HEY1: variants seen among roughly 807,000 people sequenced by gnomAD.
HEY1 encodes hairy/enhancer-of-split related with YRPW motif protein 1.
A neutral mutation model predicts 28.7 loss-of-function variants in HEY1; 9 were observed. The ratio of observed to expected loss-of-function variants is 0.31; its 90% CI spans 0.19 to 0.55. The LOEUF (loss-of-function observed/expected upper bound fraction) is 0.55. Ranked by LOEUF, HEY1 falls within the 20% of genes least tolerant of loss-of-function variation. The pLI, the probability that HEY1 is intolerant of heterozygous loss-of-function variation, is 0.93. For synonymous variants in HEY1, 213 were observed against 175.6 expected, an observed-to-expected ratio of 1.21 and a Z score of -1.68; for missense variants, 385 against 399.4, an observed-to-expected ratio of 0.96 and a Z score of 0.31.
chr8:79,767,466 G>T, intron 1 of HEY1, 109 bp downstream of exon 1: 2 of 1,196,130 alleles, frequency 1.7e-6, no homozygotes, highest in Non-Finnish European at 2.4e-6. Flanking sequence ...GACGCGCGGA[G>T]GTCAGCGCAG....
chr8:79,765,174 T>A lies in HEY1; in HGVS notation c.*14A>T. ...GATTTTAAACTTTCCCCTCCCTCATTCTACATCAGTTCTTTAAAAAGCTCC... is the reference window on the plus strand; with the variant it reads ...GATTTTAAACTTTCCCCTCCCTCATACTACATCAGTTCTTTAAAAAGCTCC... On this transcript the variant is annotated 3_prime_UTR_variant, in exon 5 of 5. Transcript: ENST00000354724. 1 of 1,526,350 alleles carries A rather than the reference T, an allele frequency of 6.6e-7. No homozygotes were observed. 94.6% of individuals were successfully genotyped at this position (1,526,350 alleles called of 1,614,324 possible). A position where few individuals can be genotyped will look rare whatever the true frequency, so the allele number is the denominator to read the frequency against.
intron 4 of HEY1, chr8:79,766,330 T>A: frequency 6.6e-7 from 1 of 1,504,342 alleles, no homozygotes; most frequent in Non-Finnish European, 8.8e-7. Flanking sequence ...TTTAAATGCT[T>A]TTTCTCAAAA....
chr8:79,765,248 C>T lies in HEY1; in HGVS notation c.855G>A (p.Thr285=), dbSNP rs1484090871. ...SPNALSPSAP[T]QAANLGKPYR... is the part of the protein sequence containing the mutation. ...AGGGCTTGCCAAGGTTTGCAGCCTG[C>T]GTGGGTGCTGAAGGGCTCAGTGCAT... is the stretch of plus-strand genomic sequence containing the variant. The change falls in exon 5 of 5, where the codon ACG becomes ACA. Residue 285 remains threonine, a synonymous_variant. Transcript: ENST00000354724. 2.6e-6 allele frequency: 4 copies of T among 1,553,990 alleles called. No homozygotes were observed. The Admixed American group carries it at 5.9e-5, about 23-fold the overall frequency.
Position 79,765,244 on chromosome 8 carries a change from C to A in HEY1, c.859G>T (p.Ala287Ser). The A allele has an allele frequency of 6.4e-7, 1 of 1,553,788 alleles. No homozygotes were observed. The highest frequency in any genetic ancestry group is 8.7e-7 in the Non-Finnish European group (1 of 1,147,834). The change falls in exon 5 of 5, where the codon GCT (alanine) becomes TCT (serine). Residue 287 changes from alanine (A) to serine (S), a missense_variant. Transcript: ENST00000354724. ...CTATAGGGCTTGCCAAGGTTTGCAG[C>A]CTGCGTGGGTGCTGAAGGGCTCAGT... ...NALSPSAPTQ[A>S]ANLGKPYRPW...
At chr8:79,766,889 G>T in intron 3 of HEY1, 120 bp downstream of exon 3, 1 of 1,199,928 alleles carries the variant, frequency 8.3e-7, no homozygotes, top group Non-Finnish European at 1.2e-6. Flanking sequence ...TGGTATCTGT[G>T]TACGAATTCA....
chr8:79,765,641 C>A lies in HEY1; in HGVS notation c.462G>T (p.Leu154=). The change falls in exon 5 of 5, where the codon CTG becomes CTT. Residue 154 remains leucine (L), a synonymous_variant. Transcript: ENST00000354724. The part of the protein sequence containing the change: ...LDASDPLRVR[L]VSHLNNYASQ... ...AAGCGTAGTTGTTGAGATGCGAAAC[C>A]AGTCGAACTCGAAGCGGGTCAGAGG... is the stretch of plus-strand genomic sequence containing the variant. The A allele has an allele frequency of 6.2e-7, 1 of 1,614,228 alleles. No individual in the cohort carries two copies. Among genetic ancestry groups the A allele is most frequent in the South Asian group, 1.1e-5 (1 of 91,090 alleles).
intron 4 of HEY1, chr8:79,766,206 G>C: frequency 6.5e-7 from 1 of 1,534,220 alleles, no homozygotes; most frequent in Non-Finnish European, 8.7e-7. Context: ...CACAGACCTT[G>C]GTCTCCCGTT....
rs937096473 is a variant in HEY1, at chr8:79,766,902, T to C, written c.249+107A>G. 8 of 1,237,222 alleles carry C rather than the reference T, an allele frequency of 6.5e-6. No individual in the cohort carries two copies. The East Asian group carries it at 1.9e-4, about 29-fold the overall frequency. The allele number at this position is 1,237,222 out of a possible 1,614,324, so 76.6% of individuals were successfully genotyped here. On this transcript the variant is annotated intron_variant, in intron 3 of 4. Coordinates refer to ENST00000354724, the MANE Select transcript of HEY1 (RefSeq NM_012258.4). ...GCTGGTATCTGTGTACGAATTCATC[T>C]AGGCACAAGCAACACAGCTATTTTC...
rs776347658 is a variant in HEY1 at position 79,766,691 on chromosome 8, G to T, written c.291C>A (p.Thr97=). The change falls in exon 4 of 5, where the codon ACC becomes ACA. Residue 97 remains threonine (T), a synonymous_variant. Transcript: ENST00000354724. ...TATGCAGCATTTTCAGGTGATCCACGGTCATCTGCAGGATCTCGGCTTTTT... is the reference window on the plus strand; with the variant it reads ...TATGCAGCATTTTCAGGTGATCCACTGTCATCTGCAGGATCTCGGCTTTTT... ...KLEKAEILQM[T]VDHLKMLHTA... The T allele has an allele frequency of 7.4e-6, 12 of 1,614,152 alleles. 1 individual carries two copies. The Admixed American group carries it at 1.8e-4, about 25-fold the overall frequency.
chr8:79,765,351 G>A lies in HEY1; in HGVS notation c.752C>T (p.Ser251Leu). Residue 251 changes from serine to leucine, a missense_variant, in exon 5 of 5, where the codon TCG becomes TTG. This residue lies in a region of HEY1 where 223 missense variants were observed against 215.9 expected (regional missense o/e 1.03). Coordinates refer to ENST00000354724, the MANE Select transcript of HEY1 (RefSeq NM_012258.4). The stretch of plus-strand genomic sequence containing the variant: ...GGCCACTGAGGAGAGCAGAGGCGGC[G>A]ACAGTTTGGAGGCGGAGGTGACCAC... Reference protein sequence around the residue: ...LPVVTSASKLSPPLLSSVASL... With the variant: ...LPVVTSASKLLPPLLSSVASL... 6.3e-7 allele frequency: 1 copy of A among 1,580,578 alleles called. No homozygotes were observed. Among genetic ancestry groups the A allele is most frequent in the African/African-American group, 1.3e-5 (1 of 74,652 alleles).
chr8:79,765,821 A>G, intron 4 of HEY1, 50 bp from the exon 5 acceptor site: 1 of 1,501,084 alleles, frequency 6.7e-7, no homozygotes, highest in Non-Finnish European at 9.0e-7. Flanking sequence ...CGTTTCCCTC[A>G]TTTCTTAAGT....
Position 79,767,759 on chromosome 8 carries a change from GCA to G in HEY1, c.-98_-97del, listed in dbSNP as rs1179279907. ...CTCCGCTCTCGGCTGCTTGCGTTCC[GCA>G]CACACTGATCCCGCTCACGCTTTGC... On this transcript the variant is annotated 5_prime_UTR_variant, in exon 1 of 5. Transcript: ENST00000354724. The G allele has an allele frequency of 1.2e-6, 1 of 835,548 alleles. No individual in the cohort carries two copies. The highest frequency in any genetic ancestry group is 2.0e-6 in the Non-Finnish European group (1 of 510,500). The allele number at this position is 835,548 out of a possible 1,614,324, so 51.8% of individuals were successfully genotyped here. A position where few individuals can be genotyped will look rare whatever the true frequency, so the allele number is the denominator to read the frequency against.
chr8:79,766,561 A>G, intron 4 of HEY1, 90 bp downstream of exon 4: 1 of 1,577,442 alleles, frequency 6.3e-7, no homozygotes, highest in Non-Finnish European at 8.6e-7. Context: ...CCAAAGAAAA[A>G]TCAGGCAGCT....
intron 4 of HEY1, chr8:79,766,306 G>A: frequency 6.6e-7 from 1 of 1,515,226 alleles, no homozygotes. Flanking sequence ...CCAAAAATAA[G>A]ACCACATATT....
intron 4 of HEY1, among the ~76,000 whole-genome samples, chr8:79,766,032 G>A (rs577978950): frequency 9.9e-5 from 15 of 151,420 alleles, no homozygotes; most frequent in African/African-American, 3.6e-4. Context: ...ATGAAACTAT[G>A]TTCATTCCTT....
In HEY1 at chr8:79,766,714, T is replaced by C; in HGVS notation, c.268A>G (p.Lys90Glu). 1 of 1,614,256 alleles carries C rather than the reference T, an allele frequency of 6.2e-7. No homozygotes were observed. The highest frequency in any genetic ancestry group is 8.5e-7 in the Non-Finnish European group (1 of 1,180,054). Residue 90 changes from lysine (K) to glutamate (E), a missense_variant, in exon 4 of 5, where the codon AAA becomes GAA. This residue lies in a region of HEY1 where 83 missense variants were observed against 122.7 expected (regional missense o/e 0.68). Transcript: ENST00000354724. ...ACGGTCATCTGCAGGATCTCGGCTT[T>C]TTCTAGCTTAGCAGATCCCTAAAGA... ...FEKQGSAKLE[K>E]AEILQMTVDH...
chr8:79,767,518 C>G (rs1807876496), intron 1 of HEY1, 57 bp downstream of exon 1: 2 of 1,497,866 alleles, frequency 1.3e-6, no homozygotes, highest in Non-Finnish European at 1.8e-6. Flanking sequence ...GTCACCGCGG[C>G]AGGCCTGCGC....
chr8:79,766,101 G>A, intron 4 of HEY1: 1 of 900,152 alleles, frequency 1.1e-6, no homozygotes, highest in Admixed American at 2.9e-5. Flanking sequence ...CCACAGAGCA[G>A]TGAAATTCAT....
rs777037397 is a variant in HEY1 at position 79,767,248 on chromosome 8, G to C, written c.136C>G (p.Gln46Glu). 6.2e-7 allele frequency: 1 copy of C among 1,613,920 alleles called. No homozygotes were observed. The highest frequency in any genetic ancestry group is 2.2e-5 in the East Asian group (1 of 44,888). The change falls in exon 2 of 5, where the codon CAG becomes GAG. Residue 46 changes from glutamine (Q) to glutamate (E), a missense_variant. Physicochemically the swap from Gln to Glu is conservative, Grantham distance 29. Coordinates refer to ENST00000354724, the MANE Select transcript of HEY1 (RefSeq NM_012258.4). ...LGSMSPTTSS[Q>E]ILARKRRRGI... ...CTCCGTCTTTTTCTGGCCAAAATCT[G>C]GGAAGATGTAGTTGGGGACATGGAA... is the stretch of plus-strand genomic sequence containing the variant.
Sources: gnomAD v4.1 joint callset for allele counts (sites outside exome capture counted in the v4.1 genomes callset) on GRCh38, gnomAD v4.1.1 for gene constraint, gnomAD v4.1.1 regional missense constraint, MANE v1.5 for transcripts, NCBI Gene and HGNC (gene_info 2026-07-23, HGNC 2026-07-21) for gene names.